Variants in PIWIL2 observed in about 807,000 individuals in gnomAD.
The protein encoded by PIWIL2 is piwi-like protein 2.
Under a neutral mutation model 116.5 loss-of-function variants are expected in PIWIL2, and 81 were observed. The observed-to-expected ratio is 0.70, with a 90% CI of 0.58 to 0.84. PIWIL2 has a LOEUF of 0.84. Among genes scored for constraint, PIWIL2 ranks in the 40% least tolerant of loss-of-function variants. The probability of loss-of-function intolerance (pLI) is 0.00; values close to 1 mark genes in which losing one functional copy is unlikely to be tolerated. For missense variants in PIWIL2, 1,272 were observed against 1,212.3 expected (o/e 1.05, Z -0.73); for synonymous variants, 489 against 429.5 (o/e 1.14, Z -1.71).
chr8:22,356,645 A>G lies in PIWIL2; in HGVS notation c.*1140A>G, dbSNP rs1832496076. On this transcript the variant is annotated 3_prime_UTR_variant, in exon 23 of 23. Transcript: ENST00000356766. ...GTGTGTGGCCTTTATTTCTATTTAT[A>G]TATGTTTGTAAATGGAATTACCCCC... is the stretch of plus-strand genomic sequence containing the variant. The G allele has an allele frequency of 6.6e-6, 1 of 152,082 alleles. No homozygotes were observed. Among genetic ancestry groups the G allele is most frequent in the Non-Finnish European group, 1.5e-5 (1 of 68,010 alleles). 9.4% of individuals were successfully genotyped at this position (152,082 alleles called of 1,614,324 possible).
Position 22,319,189 on chromosome 8 carries a change from C to T in PIWIL2, c.2403+914C>T, listed in dbSNP as rs141065430. Among the ~76,000 whole-genome samples the T allele has an allele frequency of 2.0e-4, 31 of 152,262 alleles. 1 individual carries two copies. In the East Asian group the frequency reaches 5.2e-3, roughly 26 times the overall value. On this transcript the variant is annotated intron_variant, in intron 20 of 22. Coordinates refer to ENST00000356766, the MANE Select transcript of PIWIL2 (RefSeq NM_018068.5). ...ATAGAGGCTAAGCAGCAAGAAATGT[C>T]GTAATTTCATATGATTGAACTCAGT...
intron 16 of PIWIL2, among the ~76,000 whole-genome samples, chr8:22,312,677 G>C (rs1340737954): frequency 6.6e-6 from 1 of 152,044 alleles, no homozygotes; most frequent in African/African-American, 2.4e-5. Flanking sequence ...TCTTGACTCT[G>C]TTGCTCAGGC....
Position 22,354,548 on chromosome 8 carries a change from A to G in PIWIL2, c.2765+170A>G, listed in dbSNP as rs541104402. On this transcript the variant is annotated intron_variant, in intron 22 of 22. Transcript: ENST00000356766. ...GATTGGAAATCCTGGTTTTATATTA[A>G]AATTACTTTTACTTAAAGAGCTTTA... 2.0e-5 allele frequency among the ~76,000 whole-genome samples: 3 copies of G among 152,230 alleles called. No homozygotes were observed. In the East Asian group the frequency reaches 5.8e-4, roughly 29 times the overall value.
At chr8:22,323,071 A>G (rs865900507) in intron 20 of PIWIL2, among the ~76,000 whole-genome samples, 1 of 140,158 alleles carries the variant, frequency 7.1e-6, no homozygotes, top group Non-Finnish European at 1.5e-5. Flanking sequence ...ACACCACCAC[A>G]CCCAGCTAAT....
At chr8:22,340,245 C>G (rs1185315374) in intron 20 of PIWIL2, among the ~76,000 whole-genome samples, 1 of 151,554 alleles carries the variant, frequency 6.6e-6, no homozygotes, top group Admixed American at 6.6e-5. Flanking sequence ...TTAGTAGAGA[C>G]GGGGTTTCTC....
At chr8:22,301,547 G>C (rs762854765) in intron 10 of PIWIL2, among the ~76,000 whole-genome samples, 1 of 152,036 alleles carries the variant, frequency 6.6e-6, no homozygotes, top group Non-Finnish European at 1.5e-5. Flanking sequence ...CCCCGCCTCA[G>C]CCTCCCAAAG....
chr8:22,346,397 C>T (rs1293035169), intron 20 of PIWIL2, among the ~76,000 whole-genome samples: 4 of 152,116 alleles, frequency 2.6e-5, no homozygotes, highest in Non-Finnish European at 5.9e-5. Context: ...TGGCTGATTC[C>T]CCTGGGCCCC....
intron 3 of PIWIL2, 44 bp downstream of exon 3, chr8:22,281,251 T>A: frequency 6.5e-7 from 1 of 1,544,942 alleles, no homozygotes; most frequent in Non-Finnish European, 8.8e-7. Context: ...TATGTATGAT[T>A]GGTTTCTTCT....
At chr8:22,335,860 C>T (rs1028845396) in intron 20 of PIWIL2, among the ~76,000 whole-genome samples, 3 of 152,002 alleles carry the variant, frequency 2.0e-5, no homozygotes, top group African/African-American at 7.2e-5. Context: ...TGCCCGGCCT[C>T]AGACAAAACA....
chr8:22,328,053 GTTTT>G, intron 20 of PIWIL2, among the ~76,000 whole-genome samples: 1 of 146,594 alleles, frequency 6.8e-6, no homozygotes, highest in Non-Finnish European at 1.5e-5. Flanking sequence ...CTTGTCCCCT[GTTTT>G]TTTTTTCTAA....
At chr8:22,340,568 G>A (rs1280370798) in intron 20 of PIWIL2, among the ~76,000 whole-genome samples, 1 of 152,122 alleles carries the variant, frequency 6.6e-6, no homozygotes, top group Non-Finnish European at 1.5e-5. Flanking sequence ...AGAGACATAG[G>A]GAGAACACCA....
chr8:22,276,481 A>G (rs1830373872), intron 1 of PIWIL2, among the ~76,000 whole-genome samples: 1 of 152,012 alleles, frequency 6.6e-6, no homozygotes, highest in Admixed American at 6.6e-5. Context: ...ATGCCCAGCT[A>G]ATTTTTGTAT....
intron 10 of PIWIL2, among the ~76,000 whole-genome samples, chr8:22,303,099 G>A (rs1338382527): frequency 6.6e-6 from 1 of 152,204 alleles, no homozygotes; most frequent in African/African-American, 2.4e-5. Context: ...TAGACTGGTA[G>A]TTACCAGATC....
intron 19 of PIWIL2, among the ~76,000 whole-genome samples, chr8:22,316,628 C>T (rs1359745744): frequency 3.3e-5 from 5 of 151,268 alleles, no homozygotes; most frequent in African/African-American, 9.7e-5. Context: ...ATTACAGGTG[C>T]GCACCACCAT....
chr8:22,333,636 T>G (rs1374428238), intron 20 of PIWIL2, among the ~76,000 whole-genome samples: 3 of 151,930 alleles, frequency 2.0e-5, no homozygotes, highest in Non-Finnish European at 2.9e-5. Flanking sequence ...AAAAAATGTT[T>G]CTGAACATTT....
At chr8:22,291,340 AGG>A (rs1489151978) in intron 10 of PIWIL2, among the ~76,000 whole-genome samples, 3 of 151,806 alleles carry the variant, frequency 2.0e-5, no homozygotes, top group African/African-American at 7.3e-5. Context: ...TAGTAGAGAT[AGG>A]GTTTCACCAT....
At chr8:22,317,410 A>G (rs932721400) in intron 19 of PIWIL2, among the ~76,000 whole-genome samples, 1 of 152,168 alleles carries the variant, frequency 6.6e-6, no homozygotes, top group African/African-American at 2.4e-5. Flanking sequence ...ACACACATAT[A>G]TATATTTGTA....
intron 20 of PIWIL2, among the ~76,000 whole-genome samples, chr8:22,320,550 T>C (rs1340615053): frequency 6.6e-6 from 1 of 151,960 alleles, no homozygotes; most frequent in Non-Finnish European, 1.5e-5. Flanking sequence ...GTGCTGAGAT[T>C]ATAGGTGTGA....
At chr8:22,284,313 G>A in intron 6 of PIWIL2, 41 bp downstream of exon 6, 1 of 1,055,622 alleles carries the variant, frequency 9.5e-7, no homozygotes, top group Non-Finnish European at 1.4e-6. Context: ...TTCTTAAAGG[G>A]CAGTAAAAAA....
Sources: gnomAD v4.1 joint callset for allele counts (sites outside exome capture counted in the v4.1 genomes callset) on GRCh38, gnomAD v4.1.1 for gene constraint, MANE v1.5 for transcripts, NCBI Gene and HGNC (gene_info 2026-07-23, HGNC 2026-07-21) for gene names.